LUZP2: variants seen among roughly 807,000 people sequenced by gnomAD.
LUZP2 encodes the protein leucine zipper protein 2.
Under a neutral mutation model 51.6 loss-of-function variants are expected in LUZP2, and 52 were observed. The observed-to-expected ratio is 1.01, with a 90% CI of 0.81 to 1.27. LUZP2 has a LOEUF of 1.27. Among genes scored for constraint, LUZP2 ranks in the 50% most tolerant of loss-of-function variants. The pLI is 0.00. For synonymous variants in LUZP2, 154 were observed against 137.3 expected (o/e 1.12, Z -0.85); for missense variants, 436 against 395.4 (o/e 1.10, Z -0.87).
intron 1 of LUZP2, among the ~76,000 whole-genome samples, chr11:24,708,781 C>T (rs1857714629): frequency 1.3e-5 from 2 of 152,110 alleles, no homozygotes; most frequent in Admixed American, 1.3e-4. Flanking sequence ...AATAACAGTG[C>T]TCTAGAGGAT....
intron 7 of LUZP2, among the ~76,000 whole-genome samples, chr11:24,934,569 C>T (rs1031093625): frequency 2.6e-5 from 4 of 151,766 alleles, no homozygotes; most frequent in African/African-American, 7.3e-5. Flanking sequence ...TTAAATTTTT[C>T]CATTCTCACC....
At chr11:24,678,464 T>C (rs935767458) in intron 1 of LUZP2, among the ~76,000 whole-genome samples, 1 of 152,122 alleles carries the variant, frequency 6.6e-6, no homozygotes, top group African/African-American at 2.4e-5. Flanking sequence ...GTGCTTGTTA[T>C]AAGTGTCCTA....
chr11:24,872,412 A>G (rs1345504933), intron 5 of LUZP2, among the ~76,000 whole-genome samples: 4 of 152,140 alleles, frequency 2.6e-5, no homozygotes, highest in Admixed American at 1.3e-4. Flanking sequence ...TACCTAATCT[A>G]AAAGCTTTGT....
intron 1 of LUZP2, among the ~76,000 whole-genome samples, chr11:24,597,873 G>A (rs545161439): frequency 4.8e-4 from 73 of 152,138 alleles, no homozygotes; most frequent in Non-Finnish European, 5.6e-4. Context: ...AGGCCAAGGC[G>A]GGTGGAACAC....
At chr11:25,036,537 T>C (rs1188949790) in intron 9 of LUZP2, among the ~76,000 whole-genome samples, 2 of 151,874 alleles carry the variant, frequency 1.3e-5, no homozygotes, top group East Asian at 1.9e-4. Context: ...TTCTTTTTTT[T>C]TGTAATTCCT....
At chr11:24,566,310 ATTGTATTATTTATTTATTTTTT>A (rs1228694455) in intron 1 of LUZP2, among the ~76,000 whole-genome samples, 24 of 127,174 alleles carry the variant, frequency 1.9e-4, no homozygotes, top group African/African-American at 6.3e-4. Context: ...TTATTTATTT[ATTGTATTATTTATTTATTTTTT>A]TTTTTTTTTT....
chr11:24,499,271 T>G (rs1457251587), intron 1 of LUZP2, among the ~76,000 whole-genome samples: 1 of 152,194 alleles, frequency 6.6e-6, no homozygotes, highest in Non-Finnish European at 1.5e-5. Flanking sequence ...TCTGTAGGAA[T>G]TCATTTTACT....
chr11:24,850,914 C>T (rs558288649), intron 5 of LUZP2, among the ~76,000 whole-genome samples: 3 of 151,190 alleles, frequency 2.0e-5, no homozygotes, highest in Non-Finnish European at 4.5e-5. Flanking sequence ...TGATTTGGCT[C>T]TCTATTATTG....
Position 24,617,094 on chromosome 11 carries a change from T to G in LUZP2, c.63-112075T>G, listed in dbSNP as rs148150300. ...CTATCGCTTGTTAAAACAGAGGTAGTAGATGTTTCATCATATGCTCAGGTG... is the reference window on the plus strand; with the variant it reads ...CTATCGCTTGTTAAAACAGAGGTAGGAGATGTTTCATCATATGCTCAGGTG... On this transcript the variant is annotated intron_variant, in intron 1 of 11. Transcript: ENST00000336930. Among the ~76,000 whole-genome samples, 38 of 152,342 alleles carry G rather than the reference T, an allele frequency of 2.5e-4. No individual in the cohort carries two copies. The East Asian group carries it at 6.6e-3, about 26-fold the overall frequency.
intron 1 of LUZP2, among the ~76,000 whole-genome samples, chr11:24,518,425 C>A (rs977291855): frequency 6.6e-6 from 1 of 152,030 alleles, no homozygotes; most frequent in African/African-American, 2.4e-5. Context: ...TCTGGGCTAA[C>A]AAGATAACAA....
chr11:24,821,214 T>A (rs1850347176), intron 5 of LUZP2, among the ~76,000 whole-genome samples: 1 of 152,146 alleles, frequency 6.6e-6, no homozygotes, highest in South Asian at 2.1e-4. Flanking sequence ...GTTTAGCTAG[T>A]TTAATTGTCC....
intron 7 of LUZP2, among the ~76,000 whole-genome samples, chr11:24,925,651 A>AT (rs1204112724): frequency 2.0e-5 from 3 of 152,076 alleles, no homozygotes; most frequent in Admixed American, 1.3e-4. Flanking sequence ...ATAAACATGA[A>AT]TTTTTTTCTC....
intron 5 of LUZP2, among the ~76,000 whole-genome samples, chr11:24,774,287 G>T (rs1848838906): frequency 6.7e-6 from 1 of 148,550 alleles, no homozygotes; most frequent in Non-Finnish European, 1.5e-5. Flanking sequence ...GGCCTATTAT[G>T]GGGCCCTGTG....
intron 1 of LUZP2, among the ~76,000 whole-genome samples, chr11:24,553,145 T>A (rs971513205): frequency 6.6e-6 from 1 of 151,648 alleles, no homozygotes; most frequent in South Asian, 2.1e-4. Context: ...TCTGTATATA[T>A]AATTATATGT....
intron 1 of LUZP2, among the ~76,000 whole-genome samples, chr11:24,595,777 G>C (rs138756443): frequency 6.6e-6 from 1 of 152,178 alleles, no homozygotes; most frequent in Non-Finnish European, 1.5e-5. Context: ...GAGATGGCAA[G>C]TGAGACTGAC....
chr11:24,887,988 T>A (rs1409803963), intron 5 of LUZP2, among the ~76,000 whole-genome samples: 7 of 152,246 alleles, frequency 4.6e-5, no homozygotes, highest in Non-Finnish European at 1.0e-4. Flanking sequence ...AATTAATGCA[T>A]GTTTTCAGCT....
intron 7 of LUZP2, among the ~76,000 whole-genome samples, chr11:24,936,413 C>A (rs1040026033): frequency 1.3e-5 from 2 of 152,140 alleles, no homozygotes; most frequent in African/African-American, 4.8e-5. Flanking sequence ...GGACTTAGAA[C>A]CTTCACAATG....
intron 7 of LUZP2, among the ~76,000 whole-genome samples, chr11:24,967,534 A>G (rs1855621695): frequency 6.6e-6 from 1 of 151,488 alleles, no homozygotes; most frequent in African/African-American, 2.4e-5. Context: ...GGTTAATATT[A>G]TTGTAAGCAT....
At chr11:25,078,383 A>C (rs1048338319) in intron 11 of LUZP2, among the ~76,000 whole-genome samples, 171 bp from the exon 12 acceptor site, 1 of 152,190 alleles carries the variant, frequency 6.6e-6, no homozygotes, top group Non-Finnish European at 1.5e-5. Context: ...TACTTTTATG[A>C]AATATAATTA....
Sources: gnomAD v4.1 joint callset for allele counts (sites outside exome capture counted in the v4.1 genomes callset) on GRCh38, gnomAD v4.1.1 for gene constraint, MANE v1.5 for transcripts, NCBI Gene and HGNC (gene_info 2026-07-23, HGNC 2026-07-21) for gene names.